MCTP1: variants seen among roughly 807,000 people sequenced by gnomAD.
MCTP1 encodes the protein multiple C2 and transmembrane domain-containing protein 1.
A neutral mutation model predicts 120.6 loss-of-function variants in MCTP1; 69 were observed. That is an observed-to-expected ratio of 0.57 (90% confidence interval 0.47 to 0.70). The LOEUF is 0.70. Among genes scored for constraint, MCTP1 ranks in the 30% least tolerant of loss-of-function variants. The probability of loss-of-function intolerance (pLI) is 0.00; values close to 1 mark genes in which losing one functional copy is unlikely to be tolerated. For missense variants in MCTP1, 1,203 were observed against 1,248.8 expected (o/e 0.96, Z 0.55); for synonymous variants, 529 against 493.1 (o/e 1.07, Z -0.96).
In MCTP1 at chr5:95,255,860, G is replaced by A. The variant is rs186281652; in HGVS notation, c.720+27996C>T. On this transcript the variant is annotated intron_variant, in intron 1 of 22. Transcript: ENST00000515393. ...CTCAGGGATTCTTCCAGAGAAATCA[G>A]TAAGTCACTGCCCTACCTAAGCAAT... Among the ~76,000 whole-genome samples, 6 of 152,204 alleles carry A rather than the reference G, an allele frequency of 3.9e-5. No homozygotes were observed. The East Asian group carries it at 1.2e-3, about 29-fold the overall frequency.
chr5:94,750,310 C>G (rs1767989680), intron 19 of MCTP1, among the ~76,000 whole-genome samples: 1 of 152,206 alleles, frequency 6.6e-6, no homozygotes, highest in South Asian at 2.1e-4. Flanking sequence ...GCATTATTTT[C>G]TCAATGGTTC....
intron 1 of MCTP1, among the ~76,000 whole-genome samples, chr5:95,243,988 C>T (rs929868005): frequency 3.3e-5 from 5 of 152,112 alleles, no homozygotes; most frequent in African/African-American, 7.2e-5. Context: ...AACTGGATGC[C>T]GGTGTTCTAG....
chr5:94,788,235 A>T (rs1778172465), intron 18 of MCTP1, among the ~76,000 whole-genome samples: 1 of 152,242 alleles, frequency 6.6e-6, no homozygotes, highest in Admixed American at 6.5e-5. Context: ...TTCAGTAAGT[A>T]ACAAATGACA....
At chr5:94,987,447 T>A (rs1306619177) in intron 2 of MCTP1, among the ~76,000 whole-genome samples, 1 of 152,214 alleles carries the variant, frequency 6.6e-6, no homozygotes, top group Non-Finnish European at 1.5e-5. Context: ...TTTATGCCTT[T>A]CTGTGTTCCT....
intron 2 of MCTP1, among the ~76,000 whole-genome samples, chr5:95,006,922 G>A (rs570650154): frequency 1.1e-4 from 17 of 152,200 alleles, no homozygotes; most frequent in Admixed American, 9.8e-4. Context: ...AAACACAACT[G>A]CTTCCAGAAA....
At chr5:95,182,641 A>T (rs1169903667) in intron 1 of MCTP1, among the ~76,000 whole-genome samples, 1 of 152,096 alleles carries the variant, frequency 6.6e-6, no homozygotes, top group Admixed American at 6.5e-5. Context: ...TTGCATGGCC[A>T]TTTTTACAGT....
chr5:94,754,685 CCTT>C (rs139500343), intron 19 of MCTP1, among the ~76,000 whole-genome samples: 19,718 of 152,160 alleles, frequency 0.13, 1,564 homozygotes, highest in East Asian at 0.26. Context: ...AAAAGCATAT[CCTT>C]TTTTTATTAT....
intron 1 of MCTP1, among the ~76,000 whole-genome samples, chr5:95,090,840 T>C (rs2152341323): frequency 6.6e-6 from 1 of 152,258 alleles, no homozygotes; most frequent in Non-Finnish European, 1.5e-5. Flanking sequence ...CTTTAGCCCA[T>C]ATCTGAGCTC....
chr5:94,844,355 C>T (rs1242693660), intron 17 of MCTP1, among the ~76,000 whole-genome samples: 1 of 151,128 alleles, frequency 6.6e-6, no homozygotes, highest in Non-Finnish European at 1.5e-5. Context: ...GGCAGCCACC[C>T]TCCTCTTATA....
intron 2 of MCTP1, among the ~76,000 whole-genome samples, chr5:94,996,496 A>T (rs528075575): frequency 2.8e-4 from 42 of 152,308 alleles, no homozygotes; most frequent in Middle Eastern, 3.4e-3. Context: ...TGGATGCCCA[A>T]GTCCCTGATA....
chr5:95,278,352 GAC>G, intron 1 of MCTP1, among the ~76,000 whole-genome samples: 1 of 152,186 alleles, frequency 6.6e-6, no homozygotes, highest in South Asian at 2.1e-4. Context: ...GTGAACAAAT[GAC>G]TTGAGAAAAA....
intron 3 of MCTP1, 152 bp downstream of exon 3, chr5:94,953,067 T>C: frequency 1.6e-6 from 1 of 625,870 alleles, no homozygotes. Flanking sequence ...TCCCTCTATC[T>C]CACTTCTATC....
chr5:94,803,960 G>T (rs115029553), intron 17 of MCTP1, among the ~76,000 whole-genome samples: 2 of 152,030 alleles, frequency 1.3e-5, no homozygotes, highest in South Asian at 2.1e-4. Flanking sequence ...AAAAAACATG[G>T]GGCATAGCTG....
chr5:95,215,383 C>T lies in MCTP1; in HGVS notation c.720+68473G>A, dbSNP rs185039017. ...TTTTTGTGATAGACTGATTTCCTTCCCTTTCTGTCTTCTTTCATAAGAGAA... is the reference window on the plus strand; with the variant it reads ...TTTTTGTGATAGACTGATTTCCTTCTCTTTCTGTCTTCTTTCATAAGAGAA... On this transcript the variant is annotated intron_variant, in intron 1 of 22. Coordinates refer to ENST00000515393, the MANE Select transcript of MCTP1 (RefSeq NM_024717.7). Among the ~76,000 whole-genome samples the T allele has an allele frequency of 9.9e-5, 15 of 152,226 alleles. No homozygotes were observed. In the East Asian group the frequency reaches 2.9e-3, roughly 29 times the overall value.
intron 18 of MCTP1, among the ~76,000 whole-genome samples, chr5:94,793,139 G>A (rs902766880): frequency 6.6e-6 from 1 of 152,152 alleles, no homozygotes; most frequent in African/African-American, 2.4e-5. Flanking sequence ...GGGGACTTGG[G>A]ATGAGTGAAG....
chr5:95,138,587 A>T (rs1759640837), intron 1 of MCTP1, among the ~76,000 whole-genome samples: 1 of 152,158 alleles, frequency 6.6e-6, no homozygotes, highest in South Asian at 2.1e-4. Flanking sequence ...ACTGGTCTGG[A>T]AGGGCCTCTG....
chr5:95,282,002 C>T (rs548692588), intron 1 of MCTP1, among the ~76,000 whole-genome samples: 15 of 152,196 alleles, frequency 9.9e-5, no homozygotes, highest in Non-Finnish European at 2.1e-4. Context: ...CTACTAACTA[C>T]GTGACCCTGG....
chr5:94,997,472 C>T (rs1316991030), intron 2 of MCTP1, among the ~76,000 whole-genome samples: 1 of 152,232 alleles, frequency 6.6e-6, no homozygotes, highest in East Asian at 1.9e-4. Context: ...ATTACTCAAA[C>T]ATCTGGCCTC....
At chr5:94,883,911 G>C (rs1800677196) in intron 12 of MCTP1, among the ~76,000 whole-genome samples, 1 of 152,150 alleles carries the variant, frequency 6.6e-6, no homozygotes, top group Non-Finnish European at 1.5e-5. Flanking sequence ...TCTATGTCAT[G>C]TATATGTGCT....
Sources: allele counts gnomAD v4.1 joint callset (sites outside exome capture counted in the v4.1 genomes callset), GRCh38; gene constraint gnomAD v4.1.1; transcripts MANE v1.5; gene names NCBI Gene and HGNC (gene_info 2026-07-23, HGNC 2026-07-21).